The following SORCS3 variants were observed in gnomAD, a reference collection of about 807,000 sequenced individuals.
The protein encoded by SORCS3 is VPS10 domain-containing receptor SorCS3.
In SORCS3, 57 loss-of-function variants were observed where a neutral mutation model predicts 146.3. The ratio of observed to expected loss-of-function variants is 0.39; its 90% CI spans 0.31 to 0.49. SORCS3 has a LOEUF of 0.49. Ranked by LOEUF, SORCS3 falls within the 20% of genes least tolerant of loss-of-function variation. The pLI is 0.92. For synonymous variants in SORCS3, 653 were observed against 618.5 expected, an observed-to-expected ratio of 1.06 and a Z score of -0.83; for missense variants, 1,341 against 1,575.5, an observed-to-expected ratio of 0.85 and a Z score of 2.52.
At chr10:105,093,568 A>C (rs1398637306) in intron 6 of SORCS3, among the ~76,000 whole-genome samples, 1 of 152,212 alleles carries the variant, frequency 6.6e-6, no homozygotes, top group Non-Finnish European at 1.5e-5. Context: ...ACAGCTCATT[A>C]AATAAAAGTT....
chr10:104,930,596 G>A (rs1037001898), intron 3 of SORCS3, among the ~76,000 whole-genome samples: 17 of 152,208 alleles, frequency 1.1e-4, no homozygotes, highest in African/African-American at 3.9e-4. Context: ...GTTGATGGGG[G>A]CAGTAAATAG....
At chr10:104,813,929 CTT>C (rs35625517) in intron 1 of SORCS3, among the ~76,000 whole-genome samples, 73 of 116,098 alleles carry the variant, frequency 6.3e-4, no homozygotes, top group African/African-American at 9.0e-4. Context: ...TCTTTTCTTT[CTT>C]TTTTTTTTTT....
At chr10:105,046,509 C>A (rs1481463234) in intron 5 of SORCS3, among the ~76,000 whole-genome samples, 1 of 152,074 alleles carries the variant, frequency 6.6e-6, no homozygotes, top group Non-Finnish European at 1.5e-5. Context: ...CCGTGCATGT[C>A]TCTCGTCTGT....
intron 5 of SORCS3, among the ~76,000 whole-genome samples, chr10:105,043,797 C>G (rs1203655765): frequency 2.0e-5 from 3 of 152,024 alleles, no homozygotes; most frequent in Non-Finnish European, 4.4e-5. Context: ...TTTGAAAAAC[C>G]TTTTATGGGA....
intron 2 of SORCS3, among the ~76,000 whole-genome samples, chr10:104,869,217 A>T (rs1412502228): frequency 6.6e-6 from 1 of 152,142 alleles, no homozygotes; most frequent in East Asian, 1.9e-4. Context: ...AAATTGGATT[A>T]TGTGATTTTA....
chr10:105,022,171 G>A (rs7095209), intron 4 of SORCS3, among the ~76,000 whole-genome samples: 42,293 of 152,002 alleles, frequency 0.28, 6,500 homozygotes, highest in African/African-American at 0.4. Context: ...GGCAAAAAGT[G>A]AACCCTAATG....
intron 1 of SORCS3, among the ~76,000 whole-genome samples, chr10:104,656,800 GGAT>G (rs1374278705): frequency 6.6e-6 from 1 of 152,206 alleles, no homozygotes; most frequent in Admixed American, 6.5e-5. Context: ...AGGGAAAAAA[GGAT>G]GAATGCTAAG....
At chr10:105,194,886 A>G (rs1246572648) in intron 14 of SORCS3, among the ~76,000 whole-genome samples, 1 of 152,188 alleles carries the variant, frequency 6.6e-6, no homozygotes, top group Non-Finnish European at 1.5e-5. Context: ...AGGTACCTCA[A>G]ATGTACTAAT....
intron 5 of SORCS3, among the ~76,000 whole-genome samples, chr10:105,076,327 C>T (rs1234154999): frequency 1.3e-5 from 2 of 152,142 alleles, no homozygotes; most frequent in Non-Finnish European, 2.9e-5. Flanking sequence ...AAATGATGCC[C>T]AGTGTGTAAG....
intron 3 of SORCS3, among the ~76,000 whole-genome samples, chr10:104,957,167 G>A (rs2019503429): frequency 6.6e-6 from 1 of 152,018 alleles, no homozygotes; most frequent in South Asian, 2.1e-4. Context: ...GCTGAGTGCG[G>A]GAAGTGAAGA....
chr10:105,174,401 A>G (rs1179759236), intron 13 of SORCS3, among the ~76,000 whole-genome samples: 2 of 152,146 alleles, frequency 1.3e-5, no homozygotes, highest in Admixed American at 6.5e-5. Flanking sequence ...TATACAATAT[A>G]TCACCTCAGG....
At chr10:104,991,636 G>A (rs2054995156) in intron 4 of SORCS3, among the ~76,000 whole-genome samples, 1 of 151,904 alleles carries the variant, frequency 6.6e-6, no homozygotes, top group African/African-American at 2.4e-5. Context: ...CGAGTGGCTG[G>A]GACTGCAGGT....
intron 1 of SORCS3, among the ~76,000 whole-genome samples, chr10:104,736,365 C>G (rs2133456410): frequency 6.6e-6 from 1 of 152,268 alleles, no homozygotes; most frequent in African/African-American, 2.4e-5. Flanking sequence ...AAAGTTTTCT[C>G]CTTACTGTTC....
chr10:105,160,058 C>T (rs1176393777), intron 11 of SORCS3, among the ~76,000 whole-genome samples: 2 of 152,194 alleles, frequency 1.3e-5, no homozygotes, highest in African/African-American at 2.4e-5. Flanking sequence ...AAGTGATCCT[C>T]ACACTCTGCA....
At position 104,641,342 on chromosome 10, in the gene SORCS3, C is replaced by A; in HGVS notation, c.15C>A (p.Arg5=). ...GCCGCAGCGGGATGGAGGCGGCGCG[C>A]ACGGAGCGCCCCGCAGGCAGGCCGG... MEAA[R]TERPAGRPGA... Residue 5 remains arginine, a synonymous_variant, in exon 1 of 27, where the codon CGC becomes CGA. Coordinates refer to ENST00000369701, the MANE Select transcript of SORCS3 (RefSeq NM_014978.3). This position sits in a 1 kb window ranked among gnomAD's most constrained non-coding sequence, Gnocchi z 6.4. 1.5e-6 allele frequency: 2 copies of A among 1,349,242 alleles called. No homozygotes were observed. The highest frequency in any genetic ancestry group is 9.5e-7 in the Non-Finnish European group (1 of 1,055,742). The allele number at this position is 1,349,242 out of a possible 1,614,324, so 83.6% of individuals were successfully genotyped here. A position where few individuals can be genotyped will look rare whatever the true frequency, so the allele number is the denominator to read the frequency against.
At chr10:105,084,921 G>T (rs71473544) in intron 5 of SORCS3, among the ~76,000 whole-genome samples, 1,634 of 151,950 alleles carry the variant, frequency 0.011, 11 homozygotes, top group Non-Finnish European at 0.017. Context: ...TAGTAGAGAC[G>T]GGGTTTCACC....
At chr10:105,201,831 T>G (rs956457262) in intron 16 of SORCS3, among the ~76,000 whole-genome samples, 1 of 152,210 alleles carries the variant, frequency 6.6e-6, no homozygotes, top group Non-Finnish European at 1.5e-5. Context: ...CATCTCCTCT[T>G]GATTCACTAT....
chr10:105,010,961 A>C (rs2055132519), intron 4 of SORCS3, among the ~76,000 whole-genome samples: 1 of 152,146 alleles, frequency 6.6e-6, no homozygotes, highest in Non-Finnish European at 1.5e-5. Flanking sequence ...TATATGAGTT[A>C]CTGTTAGAGG....
intron 20 of SORCS3, among the ~76,000 whole-genome samples, chr10:105,234,133 A>AT (rs1203330406): frequency 6.6e-6 from 1 of 152,012 alleles, no homozygotes; most frequent in Non-Finnish European, 1.5e-5. Flanking sequence ...TTGATGGATA[A>AT]TTTTGCAGGG....
Sources: allele counts gnomAD v4.1 joint callset (sites outside exome capture counted in the v4.1 genomes callset), GRCh38; gene constraint gnomAD v4.1.1; non-coding constraint Gnocchi (gnomAD v3.1); transcripts MANE v1.5; gene names NCBI Gene and HGNC (gene_info 2026-07-23, HGNC 2026-07-21).